PTPN4: variants seen among roughly 807,000 people sequenced by gnomAD.
The protein encoded by PTPN4 is tyrosine-protein phosphatase non-receptor type 4.
A neutral mutation model predicts 135.5 loss-of-function variants in PTPN4; 49 were observed. That is an observed-to-expected ratio of 0.36 (90% CI 0.29 to 0.46). The LOEUF (loss-of-function observed/expected upper bound fraction) is 0.46, where lower values mean the gene tolerates loss of function less well. Ranked by LOEUF, PTPN4 falls within the 20% of genes least tolerant of loss-of-function variation. The pLI is 1.00. For missense variants in PTPN4, 860 were observed against 1,101.0 expected (o/e 0.78, Z 3.10); for synonymous variants, 333 against 369.9 (o/e 0.90, Z 1.14).
intron 2 of PTPN4, among the ~76,000 whole-genome samples, chr2:119,842,600 C>T (rs1677397922): frequency 6.6e-6 from 1 of 152,116 alleles, no homozygotes; most frequent in Non-Finnish European, 1.5e-5. Flanking sequence ...TTATTGAATG[C>T]CTACTATTGA....
intron 10 of PTPN4, among the ~76,000 whole-genome samples, chr2:119,901,926 G>A (rs566403041): frequency 7.8e-4 from 119 of 152,200 alleles, no homozygotes; most frequent in African/African-American, 2.6e-3. Flanking sequence ...TTCAAAAACC[G>A]AAAAGTGATG....
intron 2 of PTPN4, among the ~76,000 whole-genome samples, chr2:119,834,743 T>C (rs1342732240): frequency 1.3e-5 from 2 of 152,140 alleles, no homozygotes; most frequent in African/African-American, 4.8e-5. Context: ...ACCTGAATGA[T>C]CTTTACAAGT....
chr2:119,936,675 T>C (rs556496961), intron 15 of PTPN4, among the ~76,000 whole-genome samples: 58 of 152,300 alleles, frequency 3.8e-4, no homozygotes, highest in African/African-American at 1.3e-3. Flanking sequence ...TATTTCTTCA[T>C]AGCAGCATGA....
chr2:119,981,005 ATTAGT>A lies in PTPN4; in HGVS notation c.*3939_*3943del, dbSNP rs1225470465. The A allele has an allele frequency of 1.3e-5, 2 of 152,086 alleles. No individual in the cohort carries two copies. The highest frequency in any genetic ancestry group is 4.1e-4 in the South Asian group (2 of 4,834). 9.4% of individuals were successfully genotyped at this position (152,086 alleles called of 1,614,324 possible). A position where few individuals can be genotyped will look rare whatever the true frequency, so the allele number is the denominator to read the frequency against. ...TAATATCAGGAAGAGAGAAGGAAAC[ATTAGT>A]TTATAACAATGTGCTATTTAATATC... On this transcript the variant is annotated 3_prime_UTR_variant, in exon 27 of 27. Transcript: ENST00000263708.
intron 10 of PTPN4, among the ~76,000 whole-genome samples, chr2:119,905,335 G>A (rs936424851): frequency 1.3e-5 from 2 of 152,112 alleles, no homozygotes; most frequent in Non-Finnish European, 2.9e-5. Flanking sequence ...GCGTACAGAA[G>A]CAGTTATTTT....
chr2:119,809,738 T>A, intron 1 of PTPN4, 99 bp from the exon 2 acceptor site: 1 of 1,058,646 alleles, frequency 9.4e-7, no homozygotes, highest in African/African-American at 1.6e-5. Flanking sequence ...GTTTTCCACC[T>A]AAGTTTTAAT....
At position 119,821,093 on chromosome 2, in the gene PTPN4, A is replaced by AT. The variant is rs34372928; in HGVS notation, c.138+11122dup. Among the ~76,000 whole-genome samples the AT allele has an allele frequency of 5.5e-3, 674 of 122,372 alleles. 8 individuals are homozygous for AT. The highest frequency in any genetic ancestry group is 0.014 in the East Asian group (60 of 4,424). The allele number at this position is 122,372 out of a possible 152,430, so 80.3% of individuals were successfully genotyped here. On this transcript the variant is annotated intron_variant, in intron 2 of 26. Transcript: ENST00000263708. Reference sequence around the variant, plus strand: ...ATTTACCTTTTGAATTCTATCCATAATTTTTTTTTTTTTTTTTTTTGAGAC... The same window carrying AT: ...ATTTACCTTTTGAATTCTATCCATAATTTTTTTTTTTTTTTTTTTTTGAGAC...
At chr2:119,926,702 A>T in intron 13 of PTPN4, 36 bp downstream of exon 13, 1 of 1,473,084 alleles carries the variant, frequency 6.8e-7, no homozygotes, top group Non-Finnish European at 9.3e-7. Flanking sequence ...GAATTTTTTT[A>T]AAAAGATGGA....
At chr2:119,761,261 A>G (rs749012875) in intron 1 of PTPN4, among the ~76,000 whole-genome samples, 1 of 152,226 alleles carries the variant, frequency 6.6e-6, no homozygotes, top group African/African-American at 2.4e-5. Context: ...TGCAAAAGAC[A>G]ATTAGAGTAG....
At chr2:119,770,410 G>C (rs1574324154) in intron 1 of PTPN4, among the ~76,000 whole-genome samples, 1 of 152,120 alleles carries the variant, frequency 6.6e-6, no homozygotes, top group Admixed American at 6.5e-5. Context: ...CATGGTTCAA[G>C]TTTCAAAATA....
chr2:119,968,529 C>T (rs931793386), intron 26 of PTPN4, among the ~76,000 whole-genome samples: 4 of 151,726 alleles, frequency 2.6e-5, no homozygotes, highest in Admixed American at 6.6e-5. Context: ...AGGTAGCTCA[C>T]GCCTGTAATC....
chr2:119,802,112 C>G (rs1326398199), intron 1 of PTPN4, among the ~76,000 whole-genome samples: 1 of 152,056 alleles, frequency 6.6e-6, no homozygotes, highest in East Asian at 1.9e-4. Context: ...ACCCTGTTAG[C>G]CAGGATGGTC....
chr2:119,837,292 C>G (rs544339976), intron 2 of PTPN4, among the ~76,000 whole-genome samples: 1 of 152,292 alleles, frequency 6.6e-6, no homozygotes, highest in African/African-American at 2.4e-5. Flanking sequence ...TCGAGGCAAT[C>G]TGTCTGTGGG....
intron 8 of PTPN4, among the ~76,000 whole-genome samples, chr2:119,883,497 T>G (rs1678111052): frequency 1.3e-5 from 2 of 152,184 alleles, no homozygotes; most frequent in South Asian, 4.1e-4. Context: ...CAAAAGAGAT[T>G]TGTTGCCTTG....
chr2:119,946,664 T>G, intron 18 of PTPN4, 90 bp downstream of exon 18: 1 of 1,041,196 alleles, frequency 9.6e-7, no homozygotes, highest in Non-Finnish European at 1.4e-6. Context: ...AACAAGGAAT[T>G]TCATCATTTC....
intron 10 of PTPN4, among the ~76,000 whole-genome samples, chr2:119,906,525 T>G (rs1017181111): frequency 1.3e-5 from 2 of 152,214 alleles, no homozygotes; most frequent in African/African-American, 4.8e-5. Context: ...TATCAGTAAG[T>G]GAAATACTTT....
At chr2:119,838,126 C>CT (rs1677323873) in intron 2 of PTPN4, among the ~76,000 whole-genome samples, 1 of 152,120 alleles carries the variant, frequency 6.6e-6, no homozygotes, top group Admixed American at 6.5e-5. Context: ...AATGTGAACA[C>CT]TTTTTTTTAA....
intron 2 of PTPN4, among the ~76,000 whole-genome samples, chr2:119,855,953 C>T (rs568588204): frequency 8.9e-4 from 135 of 152,064 alleles, no homozygotes; most frequent in African/African-American, 3.1e-3. Context: ...TACAGGCACC[C>T]GCCACCGCAC....
At chr2:119,807,683 CCAA>C (rs1691497976) in intron 1 of PTPN4, among the ~76,000 whole-genome samples, 1 of 152,166 alleles carries the variant, frequency 6.6e-6, no homozygotes, top group East Asian at 1.9e-4. Context: ...TGAAACTATT[CCAA>C]TCAATAGAAA....
Sources: allele counts gnomAD v4.1 joint callset (sites outside exome capture counted in the v4.1 genomes callset), GRCh38; gene constraint gnomAD v4.1.1; transcripts MANE v1.5; gene names NCBI Gene and HGNC (gene_info 2026-07-23, HGNC 2026-07-21).